Variants in COL6A3 observed in about 807,000 individuals in gnomAD.
COL6A3 encodes collagen alpha-3(VI) chain.
Under a neutral mutation model 274.1 loss-of-function variants are expected in COL6A3, and 137 were observed. The ratio of observed to expected loss-of-function variants is 0.50; its 90% CI spans 0.44 to 0.58. The LOEUF (loss-of-function observed/expected upper bound fraction) is 0.58, where lower values mean the gene tolerates loss of function less well. Among genes scored for constraint, COL6A3 ranks in the 20% least tolerant of loss-of-function variants. The pLI, the probability that COL6A3 is intolerant of heterozygous loss-of-function variation, is 0.00. For synonymous variants in COL6A3, 1,650 were observed against 1,650.6 expected (o/e 1.00, Z 0.01); for missense variants, 3,950 against 4,124.9 (o/e 0.96, Z 1.16).
Position 237,336,359 on chromosome 2 carries a change from G to A in COL6A3, c.8741C>T (p.Pro2914Leu), listed in dbSNP as rs755667041. 4 of 1,614,056 alleles carry A rather than the reference G, an allele frequency of 2.5e-6. No individual in the cohort carries two copies. In the East Asian group the frequency reaches 6.7e-5, roughly 27 times the overall value. The change falls in exon 40 of 44, where the codon CCT (proline) becomes CTT (leucine). Residue 2914 changes from proline to leucine, a missense_variant. By Grantham distance (98) the Pro-to-Leu change is moderately conservative. Coordinates refer to ENST00000295550, the MANE Select transcript of COL6A3 (RefSeq NM_004369.4). ...AGGCTTGGCAGCCACAGGTTTCGCA[G>A]GGGCCGGCTTTGCAGCGGCTGGCTT... ...SVKPAAAKPA[P>L]AKPVAAKPVA...
intron 20 of COL6A3, 79 bp from the exon 21 acceptor site, chr2:237,358,662 T>C: frequency 8.1e-7 from 1 of 1,238,536 alleles, no homozygotes. Flanking sequence ...ATTCTTCAAC[T>C]CATAAATCTT....
chr2:237,335,713 G>A (rs1700503344), intron 40 of COL6A3, among the ~76,000 whole-genome samples: 1 of 152,200 alleles, frequency 6.6e-6, no homozygotes, highest in African/African-American at 2.4e-5. Flanking sequence ...TCTAAGGTAG[G>A]CGAGTCCGGC....
rs574469124 is a variant in COL6A3 at position 237,375,511 on chromosome 2, ATTTTTG to A, written c.3071-497_3071-492del. ...CCTTCAAAACTGTCAGATAATAAGGATTTTTGTTTTTGTTTTTGTTTTTGTTTTGCA... is the reference window on the plus strand; with the variant it reads ...CCTTCAAAACTGTCAGATAATAAGGATTTTTGTTTTTGTTTTTGTTTTGCA... On this transcript the variant is annotated intron_variant, in intron 7 of 43. Coordinates refer to ENST00000295550, the MANE Select transcript of COL6A3 (RefSeq NM_004369.4). Among the ~76,000 whole-genome samples, 1,390 of 152,012 alleles carry A rather than the reference ATTTTTG, an allele frequency of 9.1e-3. 11 individuals are homozygous for A. Among genetic ancestry groups the A allele is most frequent in the Middle Eastern group, 0.02 (6 of 294 alleles).
rs1185874668 is a variant in COL6A3, at chr2:237,407,023, C to T, written c.-31+6930G>A. On this transcript the variant is annotated intron_variant, in intron 1 of 43. Transcript: ENST00000295550. This position sits in a 1 kb window ranked among gnomAD's most constrained non-coding sequence, Gnocchi z 4.3. Reference sequence around the variant, plus strand: ...TTCCTGAGATCAAGCAATCCTCCCACCTCAGCCTCCCAAGTAGCTAGGACT... The same window carrying T: ...TTCCTGAGATCAAGCAATCCTCCCATCTCAGCCTCCCAAGTAGCTAGGACT... Among the ~76,000 whole-genome samples, 1 of 151,414 alleles carries T rather than the reference C, an allele frequency of 6.6e-6. No individual in the cohort carries two copies. Among genetic ancestry groups the T allele is most frequent in the African/African-American group, 2.4e-5 (1 of 41,152 alleles).
In COL6A3 at chr2:237,340,989, C is replaced by T; in HGVS notation, c.7927G>A (p.Ala2643Thr). ...ATGTCCAGTTGTCTGACCAGGTACG[C>T]TATGTACTTCTTCATCTCATTGAAC... ...FQFNEMKKYI[A>T]YLVRQLDMSP... The change falls in exon 38 of 44, where the codon GCG becomes ACG. Residue 2643 changes from alanine to threonine, a missense_variant. Ala to Thr is a moderately conservative substitution (Grantham distance 58). Coordinates refer to ENST00000295550, the MANE Select transcript of COL6A3 (RefSeq NM_004369.4). The T allele has an allele frequency of 1.2e-6, 2 of 1,614,158 alleles. No individual in the cohort carries two copies.
chr2:237,341,300 C>G, intron 37 of COL6A3, 150 bp from the exon 38 acceptor site: 2 of 754,548 alleles, frequency 2.7e-6, no homozygotes, highest in East Asian at 2.7e-5. Flanking sequence ...AATCCCAGCA[C>G]TTTGGGAGGC....
intron 42 of COL6A3, among the ~76,000 whole-genome samples, chr2:237,332,692 C>T (rs1700325174): frequency 6.6e-6 from 1 of 152,172 alleles, no homozygotes; most frequent in Non-Finnish European, 1.5e-5. Flanking sequence ...ATTCCCATGG[C>T]ATTTCCATTT....
At chr2:237,376,745 A>G in intron 7 of COL6A3, 27 bp downstream of exon 7, 1 of 1,608,882 alleles carries the variant, frequency 6.2e-7, no homozygotes, top group Middle Eastern at 1.7e-4. Flanking sequence ...ACTGAGTGGC[A>G]GAGCAACTAG....
rs142409829 is a variant in COL6A3 at position 237,361,898 on chromosome 2, G to A, written c.6064-67C>T. 944 of 1,401,858 alleles carry A rather than the reference G, an allele frequency of 6.7e-4. No homozygotes were observed. Among genetic ancestry groups the A allele is most frequent in the East Asian group, 5.9e-3 (261 of 43,892 alleles). The allele number at this position is 1,401,858 out of a possible 1,614,324, so 86.8% of individuals were successfully genotyped here. ...ATGCCCAGCAGAAAATCATAAATGC[G>A]CTTTAAGGGTCAAAATCGGATGTGT... On this transcript the variant is annotated intron_variant, in intron 14 of 43. Coordinates refer to ENST00000295550, the MANE Select transcript of COL6A3 (RefSeq NM_004369.4). The surrounding 1 kb of genome is among the most constrained non-coding windows in gnomAD (Gnocchi z 5.1).
In COL6A3 at chr2:237,325,742, GA is replaced by G; in HGVS notation, c.9329-19del. 6.2e-7 allele frequency: 1 copy of G among 1,609,990 alleles called. No individual in the cohort carries two copies. On this transcript the variant is annotated intron_variant, in intron 42 of 43. Coordinates refer to ENST00000295550, the MANE Select transcript of COL6A3 (RefSeq NM_004369.4). The stretch of plus-strand genomic sequence containing the variant: ...GCATATATCTTTAATAAAAACATGA[GA>G]AAAGGATATTAATGAGAACATGCGT...
At chr2:237,400,605 C>A (rs569414346) in intron 1 of COL6A3, among the ~76,000 whole-genome samples, 1 of 150,750 alleles carries the variant, frequency 6.6e-6, no homozygotes, top group African/African-American at 2.4e-5. Context: ...GGGGTTGAAT[C>A]GGTAATCAAA....
Position 237,333,488 on chromosome 2 carries a change from A to G in COL6A3, c.9290T>C (p.Leu3097Pro), listed in dbSNP as rs886042363. The G allele has an allele frequency of 3.7e-6, 6 of 1,614,218 alleles. No individual in the cohort carries two copies. The South Asian group carries it at 6.6e-5, about 18-fold the overall frequency. ...ARSASSSTIN[L>P]MVSTEPLALT... ...AGCCAATGGTTCTGTGCTCACCATT[A>G]GATTGATGGTTGAACTAGAAGCTGA... is the stretch of plus-strand genomic sequence containing the variant. The change falls in exon 42 of 44, where the codon CTA (leucine) becomes CCA (proline). Residue 3097 changes from leucine to proline, a missense_variant. This residue lies in a region of COL6A3 where 1,284 missense variants were observed against 1,349.7 expected (regional missense o/e 0.95). Coordinates refer to ENST00000295550, the MANE Select transcript of COL6A3 (RefSeq NM_004369.4).
chr2:237,336,483 T>C lies in COL6A3; in HGVS notation c.8617A>G (p.Thr2873Ala). Residue 2873 changes from threonine (T) to alanine (A), a missense_variant, in exon 40 of 44, where the codon ACA becomes GCA. Thr to Ala is a moderately conservative substitution (Grantham distance 58). This residue lies in a region of COL6A3 where 1,284 missense variants were observed against 1,349.7 expected (regional missense o/e 0.95). Transcript: ENST00000295550. ...TTCGTCGTAGTCACCGGCTTCGTTG[T>C]CGTCACTGGGTTGGATGTAGGACTT... Reference protein sequence around the residue: ...TSSPTSNPVTTTKPVTTTKPV... With the variant: ...TSSPTSNPVTATKPVTTTKPV... The C allele has an allele frequency of 6.2e-7, 1 of 1,614,264 alleles. No individual in the cohort carries two copies. Among genetic ancestry groups the C allele is most frequent in the Non-Finnish European group, 8.5e-7 (1 of 1,180,048 alleles).
rs563617159 is a variant in COL6A3, at chr2:237,372,302, C to T, written c.3715G>A (p.Asp1239Asn). 1.1e-5 allele frequency: 18 copies of T among 1,610,768 alleles called. No homozygotes were observed. Among genetic ancestry groups the T allele is most frequent in the East Asian group, 6.7e-5 (3 of 44,858 alleles). Residue 1239 changes from aspartate to asparagine, a missense_variant, in exon 9 of 44, where the codon GAT (aspartate) becomes AAT (asparagine). This residue lies in a region of COL6A3 where 1,934 missense variants were observed against 1,984.3 expected (regional missense o/e 0.97). Transcript: ENST00000295550. ...TCAGGCCCGGCACTTTGGGACCCAT[C>T]GATGAGAAAGACCACGTCCCTCTTG... is the stretch of plus-strand genomic sequence containing the variant. The part of the protein sequence containing the change: ...GGKRDVVFLI[D>N]GSQSAGPEFQ...
chr2:237,329,339 G>A (rs1700108139), intron 42 of COL6A3: 1 of 152,366 alleles, frequency 6.6e-6, no homozygotes, highest in Admixed American at 6.5e-5. Flanking sequence ...ATAGGCATGA[G>A]CCATCACACC....
At chr2:237,355,179 C>T (rs376834843) in intron 23 of COL6A3, 4 of 496,604 alleles carry the variant, frequency 8.1e-6, no homozygotes, top group African/African-American at 3.9e-5. Flanking sequence ...CTGTTAATCA[C>T]CCAATGGAAG....
chr2:237,398,366 G>A (rs370213213), intron 1 of COL6A3, among the ~76,000 whole-genome samples: 2 of 152,170 alleles, frequency 1.3e-5, no homozygotes, highest in Non-Finnish European at 2.9e-5. Context: ...AGTAGCGTGC[G>A]CCATCAGACC....
chr2:237,330,715 A>C (rs1053376195), intron 42 of COL6A3, among the ~76,000 whole-genome samples: 1 of 152,236 alleles, frequency 6.6e-6, no homozygotes, highest in African/African-American at 2.4e-5. Flanking sequence ...CTGCCCTCGC[A>C]TTACATGCCT....
At chr2:237,354,993 C>A (rs976037539) in intron 23 of COL6A3, 59 bp from the exon 24 acceptor site, 3 of 1,499,016 alleles carry the variant, frequency 2.0e-6, no homozygotes, top group Admixed American at 1.7e-5. Context: ...GGGCATGGGG[C>A]CTAGAGCTCT....
Sources: gnomAD v4.1 joint callset for allele counts (sites outside exome capture counted in the v4.1 genomes callset) on GRCh38, gnomAD v4.1.1 for gene constraint, gnomAD v4.1.1 regional missense constraint, Gnocchi (gnomAD v3.1) non-coding constraint, MANE v1.5 for transcripts, NCBI Gene and HGNC (gene_info 2026-07-23, HGNC 2026-07-21) for gene names.